The following EXOC4 variants were observed in gnomAD, a reference collection of about 807,000 sequenced individuals.
EXOC4 encodes SEC8-like 1.
Under a neutral mutation model 107.2 loss-of-function variants are expected in EXOC4, and 71 were observed. That is an observed-to-expected ratio of 0.66 (90% confidence interval 0.55 to 0.81). EXOC4 has a LOEUF of 0.81. Ranked by LOEUF, EXOC4 falls within the 30% of genes least tolerant of loss-of-function variation. The pLI is 0.00. For synonymous variants in EXOC4, 456 were observed against 441.2 expected, an observed-to-expected ratio of 1.03 and a Z score of -0.42; for missense variants, 1,108 against 1,189.6, an observed-to-expected ratio of 0.93 and a Z score of 1.01.
At chr7:133,622,965 C>G (rs1324086450) in intron 9 of EXOC4, among the ~76,000 whole-genome samples, 1 of 152,158 alleles carries the variant, frequency 6.6e-6, no homozygotes, top group Non-Finnish European at 1.5e-5. Flanking sequence ...CAAGACACTT[C>G]ATGCCCCTTA....
At chr7:134,015,703 C>A (rs547652072) in intron 17 of EXOC4, among the ~76,000 whole-genome samples, 4 of 151,796 alleles carry the variant, frequency 2.6e-5, no homozygotes, top group Non-Finnish European at 5.9e-5. Context: ...GGTGAAATCC[C>A]GTCTCTACTA....
intron 10 of EXOC4, among the ~76,000 whole-genome samples, chr7:133,777,314 AGAGAGAG>A (rs1292729973): frequency 6.6e-5 from 6 of 91,058 alleles, no homozygotes; most frequent in African/African-American, 1.5e-4. Flanking sequence ...AGAGAGAGAG[AGAGAGAG>A]AATATATATA....
intron 7 of EXOC4, among the ~76,000 whole-genome samples, chr7:133,400,186 T>G (rs1278450402): frequency 6.6e-6 from 1 of 152,228 alleles, no homozygotes; most frequent in Non-Finnish European, 1.5e-5. Flanking sequence ...GATGACACCT[T>G]GGATTACGGT....
At chr7:133,703,601 A>G (rs56267345) in intron 10 of EXOC4, among the ~76,000 whole-genome samples, 2,599 of 152,318 alleles carry the variant, frequency 0.017, 70 homozygotes, top group African/African-American at 0.059. Context: ...CTTTTTGTTC[A>G]TATAATAATA....
chr7:134,016,232 G>A (rs1459959031), intron 17 of EXOC4, among the ~76,000 whole-genome samples: 2 of 152,152 alleles, frequency 1.3e-5, no homozygotes, highest in Non-Finnish European at 2.9e-5. Flanking sequence ...GGAAGCTTGA[G>A]GGAAAGGCCG....
chr7:133,316,848 A>G (rs553429552), intron 4 of EXOC4, among the ~76,000 whole-genome samples: 16 of 152,336 alleles, frequency 1.1e-4, no homozygotes, highest in Non-Finnish European at 2.2e-4. Flanking sequence ...CCTGAAAAAC[A>G]CAAGTAAACA....
intron 9 of EXOC4, among the ~76,000 whole-genome samples, chr7:133,592,866 G>T (rs979735999): frequency 6.6e-6 from 1 of 152,122 alleles, no homozygotes; most frequent in African/African-American, 2.4e-5. Context: ...CTCCCAAAGT[G>T]CTGGGATTAC....
At chr7:133,728,815 A>G (rs1481590879) in intron 10 of EXOC4, among the ~76,000 whole-genome samples, 1 of 152,152 alleles carries the variant, frequency 6.6e-6, no homozygotes, top group Non-Finnish European at 1.5e-5. Context: ...GCATCCCTTC[A>G]TCTTGAATTT....
At chr7:134,046,054 G>A (rs1038838387) in intron 17 of EXOC4, among the ~76,000 whole-genome samples, 6 of 152,256 alleles carry the variant, frequency 3.9e-5, no homozygotes, top group Admixed American at 3.9e-4. Flanking sequence ...TGGGGAGAAG[G>A]AAGCTAAAGT....
At chr7:133,801,555 G>T (rs1322541863) in intron 10 of EXOC4, among the ~76,000 whole-genome samples, 1 of 151,596 alleles carries the variant, frequency 6.6e-6, no homozygotes, top group Non-Finnish European at 1.5e-5. Flanking sequence ...CTGAGTTGGC[G>T]GGGGGCTCTG....
chr7:133,813,270 T>A (rs1205964324), intron 10 of EXOC4, among the ~76,000 whole-genome samples: 4 of 152,172 alleles, frequency 2.6e-5, no homozygotes, highest in African/African-American at 9.7e-5. Flanking sequence ...AAAATGAGGC[T>A]AATTTAGAGT....
At chr7:133,867,588 G>C (rs994489234) in intron 11 of EXOC4, among the ~76,000 whole-genome samples, 10 of 152,120 alleles carry the variant, frequency 6.6e-5, no homozygotes, top group African/African-American at 2.4e-4. Flanking sequence ...TACCTTTGGG[G>C]TGTTTCTCTC....
intron 10 of EXOC4, among the ~76,000 whole-genome samples, chr7:133,811,166 CA>C (rs1296242787): frequency 6.6e-6 from 1 of 152,116 alleles, no homozygotes; most frequent in Non-Finnish European, 1.5e-5. Flanking sequence ...TTTCCCTGCT[CA>C]TCATTTACAG....
intron 10 of EXOC4, among the ~76,000 whole-genome samples, chr7:133,710,529 G>A (rs913555753): frequency 1.1e-4 from 17 of 150,436 alleles, no homozygotes; most frequent in South Asian, 2.1e-4. Context: ...GCGTAGTGGC[G>A]GGCGCCTGTA....
At chr7:133,853,550 T>A (rs1384967834) in intron 11 of EXOC4, among the ~76,000 whole-genome samples, 2 of 152,112 alleles carry the variant, frequency 1.3e-5, no homozygotes, top group Non-Finnish European at 2.9e-5. Flanking sequence ...GTATTGTCAG[T>A]ATCTCATCAG....
intron 17 of EXOC4, among the ~76,000 whole-genome samples, chr7:134,016,496 T>C (rs955143671): frequency 6.6e-6 from 1 of 152,198 alleles, no homozygotes; most frequent in African/African-American, 2.4e-5. Flanking sequence ...CACCATAAAT[T>C]GATAGAGCAT....
At position 133,616,309 on chromosome 7, in the gene EXOC4, T is replaced by A. The variant is rs559902174; in HGVS notation, c.1418-13736T>A. On this transcript the variant is annotated intron_variant, in intron 9 of 17. Coordinates refer to ENST00000253861, the MANE Select transcript of EXOC4 (RefSeq NM_021807.4). ...CTTTTTATACATCATAATGTGAACTTCATGAGGTCATGGATTATGGCTGTT... is the reference window on the plus strand; with the variant it reads ...CTTTTTATACATCATAATGTGAACTACATGAGGTCATGGATTATGGCTGTT... 1.5e-4 allele frequency among the ~76,000 whole-genome samples: 23 copies of A among 152,232 alleles called. No individual in the cohort carries two copies. The South Asian group carries it at 4.6e-3, about 30-fold the overall frequency.
intron 17 of EXOC4, 21 bp from the exon 18 acceptor site, chr7:134,064,270 T>C: frequency 7.1e-7 from 1 of 1,398,870 alleles, no homozygotes; most frequent in Non-Finnish European, 9.4e-7. Context: ...CAGTGAGCAG[T>C]GTTCTCTCTT....
intron 7 of EXOC4, among the ~76,000 whole-genome samples, chr7:133,378,344 G>A (rs1796536580): frequency 6.7e-6 from 1 of 149,286 alleles, no homozygotes; most frequent in Non-Finnish European, 1.5e-5. Context: ...CAGGCTGAAG[G>A]AAAATAATAC....
Sources: gnomAD v4.1 joint callset for allele counts (sites outside exome capture counted in the v4.1 genomes callset) on GRCh38, gnomAD v4.1.1 for gene constraint, MANE v1.5 for transcripts, NCBI Gene and HGNC (gene_info 2026-07-23, HGNC 2026-07-21) for gene names.